NPSR1: variants seen among roughly 807,000 people sequenced by gnomAD.
NPSR1 encodes neuropeptide S receptor 1, also known as neuropeptide S receptor.
Under a neutral mutation model 46.9 loss-of-function variants are expected in NPSR1, and 48 were observed. The observed-to-expected ratio is 1.02, with a 90% CI of 0.81 to 1.30. The LOEUF is 1.30. Ranked by LOEUF, NPSR1 falls within the 50% of genes most tolerant of loss-of-function variation. The probability of loss-of-function intolerance (pLI) is 0.00; values close to 1 mark genes in which losing one functional copy is unlikely to be tolerated. For synonymous variants in NPSR1, 176 were observed against 168.1 expected (o/e 1.05, Z -0.36); for missense variants, 450 against 449.5 (o/e 1.00, Z -0.01).
At chr7:34,720,746 T>C (rs1207660513) in intron 2 of NPSR1, among the ~76,000 whole-genome samples, 1 of 152,162 alleles carries the variant, frequency 6.6e-6, no homozygotes, top group Non-Finnish European at 1.5e-5. Context: ...AGCTTTGACC[T>C]GCCTCCAGAT....
At chr7:34,757,293 A>G (rs1562706285) in intron 2 of NPSR1, among the ~76,000 whole-genome samples, 1 of 152,164 alleles carries the variant, frequency 6.6e-6, no homozygotes, top group Non-Finnish European at 1.5e-5. Context: ...AGTAATTGCC[A>G]TTACTTTTAG....
At chr7:34,799,360 T>C (rs1788358550) in intron 3 of NPSR1, among the ~76,000 whole-genome samples, 1 of 152,064 alleles carries the variant, frequency 6.6e-6, no homozygotes, top group Non-Finnish European at 1.5e-5. Flanking sequence ...TTTAAAAAGA[T>C]AATAAAATTG....
chr7:34,801,593 C>T (rs1484194099), intron 3 of NPSR1, among the ~76,000 whole-genome samples: 1 of 142,124 alleles, frequency 7.0e-6, no homozygotes. Context: ...CTATCTATGA[C>T]AAACCCACAG....
chr7:34,687,524 G>A (rs1285242696), intron 2 of NPSR1, among the ~76,000 whole-genome samples: 1 of 152,182 alleles, frequency 6.6e-6, no homozygotes, highest in African/African-American at 2.4e-5. Context: ...GGTGGAGTGA[G>A]GGCAAGCAGG....
intron 3 of NPSR1, among the ~76,000 whole-genome samples, chr7:34,794,479 A>T (rs569394333): frequency 6.6e-6 from 1 of 152,164 alleles, no homozygotes; most frequent in East Asian, 1.9e-4. Context: ...ACAGTCTATT[A>T]TAACTCATAC....
At chr7:34,721,431 C>T (rs1364032193) in intron 2 of NPSR1, among the ~76,000 whole-genome samples, 2 of 152,160 alleles carry the variant, frequency 1.3e-5, no homozygotes, top group South Asian at 2.1e-4. Flanking sequence ...TGAACAAATT[C>T]CCAGGGCTCA....
chr7:34,702,581 T>G (rs1414396562), intron 2 of NPSR1, among the ~76,000 whole-genome samples: 1 of 152,196 alleles, frequency 6.6e-6, no homozygotes, highest in Non-Finnish European at 1.5e-5. Context: ...TAATGACTTA[T>G]TATCTTGGCA....
chr7:34,792,443 T>C (rs1486089773), intron 3 of NPSR1, among the ~76,000 whole-genome samples: 1 of 149,324 alleles, frequency 6.7e-6, no homozygotes, highest in Admixed American at 6.8e-5. Flanking sequence ...GTGAATGGAT[T>C]GAGCGCAGGT....
chr7:34,807,877 C>G (rs931021698), intron 3 of NPSR1, among the ~76,000 whole-genome samples: 1 of 151,850 alleles, frequency 6.6e-6, no homozygotes, highest in Non-Finnish European at 1.5e-5. Flanking sequence ...TTGAAAAAAG[C>G]TCCCCGCCCC....
chr7:34,847,335 C>T (rs999678636), intron 7 of NPSR1, among the ~76,000 whole-genome samples: 18 of 151,802 alleles, frequency 1.2e-4, no homozygotes, highest in African/African-American at 4.1e-4. Flanking sequence ...ATGAGAGATG[C>T]GTGTATTTCC....
chr7:34,774,720 A>G (rs324978), intron 2 of NPSR1, among the ~76,000 whole-genome samples: 43,166 of 152,014 alleles, frequency 0.28, 6,260 homozygotes, highest in African/African-American at 0.35. Context: ...CATGGGGTCC[A>G]CCAGATCATA....
intron 2 of NPSR1, among the ~76,000 whole-genome samples, chr7:34,721,334 C>T (rs957401619): frequency 1.1e-4 from 17 of 152,026 alleles, no homozygotes; most frequent in African/African-American, 3.4e-4. Context: ...GAAGAGAAAC[C>T]GGAATAAATG....
At position 34,684,578 on chromosome 7, in the gene NPSR1, CCTCTTTGTTTTTA is replaced by C. The variant is rs1255051521; in HGVS notation, c.176_188del (p.Leu59ProfsTer21). 11 of 1,613,478 alleles carry C rather than the reference CCTCTTTGTTTTTA, an allele frequency of 6.8e-6. No individual in the cohort carries two copies. In the East Asian group the frequency reaches 2.5e-4, roughly 36 times the overall value. The stretch of plus-strand genomic sequence containing the variant: ...CTGAGCAATTGATAACTCTGTGGGT[CCTCTTTGTTTTTA>C]CCATTGTTGGAAACTCCGTTGTGCT... On this transcript the variant is annotated frameshift_variant, in exon 2 of 9. Transcript: ENST00000360581. LOFTEE classifies it high-confidence loss of function.
At chr7:34,822,862 T>G (rs1321623561) in intron 4 of NPSR1, among the ~76,000 whole-genome samples, 1 of 152,078 alleles carries the variant, frequency 6.6e-6, no homozygotes, top group Admixed American at 6.5e-5. Flanking sequence ...AGGAACCATA[T>G]CAAAAGCAGA....
intron 1 of NPSR1, among the ~76,000 whole-genome samples, chr7:34,665,911 G>A (rs1791727845): frequency 1.3e-5 from 2 of 152,100 alleles, no homozygotes; most frequent in African/African-American, 4.8e-5. Flanking sequence ...GTTATTTAGG[G>A]ACACCTTTAG....
intron 7 of NPSR1, among the ~76,000 whole-genome samples, chr7:34,846,350 C>T (rs534706371): frequency 6.6e-6 from 1 of 152,088 alleles, no homozygotes; most frequent in African/African-American, 2.4e-5. Flanking sequence ...CCCTACCAGA[C>T]CAAAAGGGCC....
rs35113649 is a variant in NPSR1, at chr7:34,798,165, G to C, written c.385-13605G>C. Among the ~76,000 whole-genome samples the C allele has an allele frequency of 1.6e-3, 240 of 152,194 alleles. 1 individual carries two copies. Among genetic ancestry groups the C allele is most frequent in the African/African-American group, 5.6e-3 (231 of 41,516 alleles). The stretch of plus-strand genomic sequence containing the variant: ...TTAATTGACCTATAGATAGTTGCTC[G>C]ACACAAAAATAGCAATAATGCATTG... On this transcript the variant is annotated intron_variant, in intron 3 of 8. Transcript: ENST00000360581.
chr7:34,725,319 A>G (rs978117761), intron 2 of NPSR1, among the ~76,000 whole-genome samples: 3 of 152,164 alleles, frequency 2.0e-5, no homozygotes, highest in Admixed American at 2.0e-4. Context: ...GAATACCCAT[A>G]ATAACATTTA....
In NPSR1 at chr7:34,739,541, G is replaced by C. The variant is rs113113520; in HGVS notation, c.281-38921G>C. 6.8e-4 allele frequency among the ~76,000 whole-genome samples: 104 copies of C among 152,296 alleles called. 1 individual carries two copies. Among genetic ancestry groups the C allele is most frequent in the African/African-American group, 2.4e-3 (101 of 41,564 alleles). On this transcript the variant is annotated intron_variant, in intron 2 of 8. Coordinates refer to ENST00000360581, the MANE Select transcript of NPSR1 (RefSeq NM_207172.2). ...GTTAACCATTTGTGTATCATCTTCA[G>C]AGAAATGTCACTTAAGTCCTTTGTT...
Sources: gnomAD v4.1 joint callset for allele counts (sites outside exome capture counted in the v4.1 genomes callset) on GRCh38, gnomAD v4.1.1 for gene constraint, MANE v1.5 for transcripts, NCBI Gene and HGNC (gene_info 2026-07-23, HGNC 2026-07-21) for gene names.